The following SNX27 variants were observed in gnomAD, a reference collection of about 807,000 sequenced individuals.
SNX27 encodes the protein sorting nexin 27.
In SNX27, 22 loss-of-function variants were observed where a neutral mutation model predicts 71.6. The ratio of observed to expected loss-of-function variants is 0.31; its 90% confidence interval spans 0.22 to 0.44. The LOEUF (loss-of-function observed/expected upper bound fraction) is 0.44, where lower values mean the gene tolerates loss of function less well. SNX27 is among the 20% of genes least tolerant of loss of function. SNX27 has a pLI of 1.00. For synonymous variants in SNX27, 269 were observed against 277.2 expected (o/e 0.97, Z 0.29); for missense variants, 531 against 698.6 (o/e 0.76, Z 2.70).
intron 2 of SNX27, among the ~76,000 whole-genome samples, chr1:151,650,132 C>G (rs943397735): frequency 6.6e-6 from 1 of 152,110 alleles, no homozygotes; most frequent in African/African-American, 2.4e-5. Flanking sequence ...AAGTGATCTG[C>G]CCACTTCAGC....
intron 1 of SNX27, among the ~76,000 whole-genome samples, chr1:151,625,573 A>G (rs775367546): frequency 3.9e-5 from 6 of 151,962 alleles, no homozygotes; most frequent in Middle Eastern, 3.4e-3. Context: ...GTGGTGGCTC[A>G]TGCCTGTAAT....
rs1558028277 is a variant in SNX27, at chr1:151,612,274, G to T, written c.73G>T (p.Gly25Trp). The change falls in exon 1 of 12, where the codon GGG (glycine) becomes TGG (tryptophan). Residue 25 changes from glycine to tryptophan, a missense_variant. Physicochemically the swap from Gly to Trp is radical, Grantham distance 184. Coordinates refer to ENST00000458013, the MANE Select transcript of SNX27 (RefSeq NM_001330723.2). This position sits in a 1 kb window ranked among gnomAD's most constrained non-coding sequence, Gnocchi z 5.2. Reference protein sequence around the residue: ...HRNGGGGGGGGSGLHCAGNGG... With the variant: ...HRNGGGGGGGWSGLHCAGNGG... ...GAACGGAGGTGGCGGCGGCGGCGGGGGGTCTGGGCTCCACTGCGCCGGGAA... is the reference window on the plus strand; with the variant it reads ...GAACGGAGGTGGCGGCGGCGGCGGGTGGTCTGGGCTCCACTGCGCCGGGAA... The T allele has an allele frequency of 2.0e-6, 3 of 1,465,264 alleles. No homozygotes were observed. The highest frequency in any genetic ancestry group is 5.8e-5 in the East Asian group (2 of 34,664). The allele number at this position is 1,465,264 out of a possible 1,614,324, so 90.8% of individuals were successfully genotyped here.
At chr1:151,693,748 T>C in intron 11 of SNX27, 2 of 1,547,964 alleles carry the variant, frequency 1.3e-6, no homozygotes, top group East Asian at 4.5e-5. Context: ...TCTCATGACT[T>C]CATGGACCCT....
intron 2 of SNX27, among the ~76,000 whole-genome samples, chr1:151,651,735 G>C (rs1401907669): frequency 1.3e-5 from 2 of 151,736 alleles, no homozygotes; most frequent in Non-Finnish European, 2.9e-5. Context: ...GCCAGGCAGA[G>C]GGGCTCCTCA....
chr1:151,680,766 A>G (rs1202794401), intron 7 of SNX27, among the ~76,000 whole-genome samples: 1 of 152,210 alleles, frequency 6.6e-6, no homozygotes, highest in Non-Finnish European at 1.5e-5. Context: ...ATAGACCAGT[A>G]TTGTTTATTT....
At chr1:151,658,159 A>G in intron 2 of SNX27, 76 bp from the exon 3 acceptor site, 1 of 1,396,052 alleles carries the variant, frequency 7.2e-7, no homozygotes, top group East Asian at 2.3e-5. Flanking sequence ...AACCAATATC[A>G]TCTAAGCCTG....
intron 1 of SNX27, among the ~76,000 whole-genome samples, chr1:151,631,929 C>T (rs868780024): frequency 6.6e-6 from 1 of 152,174 alleles, no homozygotes; most frequent in African/African-American, 2.4e-5. Context: ...CCCACTGCGG[C>T]CTCCCAAAGT....
At chr1:151,689,530 A>G (rs1671342621) in intron 8 of SNX27, among the ~76,000 whole-genome samples, 1 of 152,214 alleles carries the variant, frequency 6.6e-6, no homozygotes, top group Non-Finnish European at 1.5e-5. Context: ...TAAAAGATCT[A>G]TTATAGTAAA....
At position 151,694,666 on chromosome 1, in the gene SNX27, A is replaced by G. The variant is rs1424895182; in HGVS notation, c.*249A>G. 1.5e-5 allele frequency: 6 copies of G among 411,188 alleles called. No individual in the cohort carries two copies. The highest frequency in any genetic ancestry group is 1.2e-4 in the African/African-American group (6 of 48,790). 25.5% of individuals were successfully genotyped at this position (411,188 alleles called of 1,614,324 possible). A position where few individuals can be genotyped will look rare whatever the true frequency, so the allele number is the denominator to read the frequency against. ...TAAGGCAGGAAAAGAAATAAGCCCA[A>G]CCAACTTGCCAAAGGTATCTTTGTC... On this transcript the variant is annotated 3_prime_UTR_variant, in exon 12 of 12. Coordinates refer to ENST00000458013, the MANE Select transcript of SNX27 (RefSeq NM_001330723.2).
At chr1:151,666,036 G>C in intron 6 of SNX27, 25 bp downstream of exon 6, 1 of 1,580,136 alleles carries the variant, frequency 6.3e-7, no homozygotes, top group East Asian at 2.2e-5. Context: ...CTGATACTAA[G>C]TTTTGTTTTC....
intron 1 of SNX27, among the ~76,000 whole-genome samples, chr1:151,626,604 A>T (rs1667953481): frequency 1.3e-5 from 2 of 152,170 alleles, no homozygotes; most frequent in South Asian, 4.1e-4. Context: ...TGGGAGGCTG[A>T]GGCAGGAGAA....
intron 7 of SNX27, among the ~76,000 whole-genome samples, chr1:151,682,048 G>T (rs1256612743): frequency 6.6e-6 from 1 of 150,970 alleles, no homozygotes; most frequent in East Asian, 1.9e-4. Flanking sequence ...ATACATGTTT[G>T]CTATTTCATT....
chr1:151,618,151 C>T (rs1667513336), intron 1 of SNX27, among the ~76,000 whole-genome samples: 1 of 151,834 alleles, frequency 6.6e-6, no homozygotes, highest in South Asian at 2.1e-4. Flanking sequence ...CAGGCTTGAG[C>T]ACCTGGCTGC....
intron 2 of SNX27, among the ~76,000 whole-genome samples, chr1:151,644,521 G>A (rs1668943663): frequency 6.6e-6 from 1 of 152,050 alleles, no homozygotes; most frequent in Non-Finnish European, 1.5e-5. Context: ...TTCTTCAATT[G>A]ATGGACATCT....
chr1:151,661,872 G>A (rs973078220), intron 4 of SNX27, among the ~76,000 whole-genome samples: 2 of 152,114 alleles, frequency 1.3e-5, no homozygotes, highest in East Asian at 3.9e-4. Flanking sequence ...AAAGGGAAGC[G>A]AATCAAAAAT....
At position 151,658,303 on chromosome 1, in the gene SNX27, C is replaced by A; in HGVS notation, c.612C>A (p.His204Gln). 3 of 1,614,126 alleles carry A rather than the reference C, an allele frequency of 1.9e-6. No individual in the cohort carries two copies. Among genetic ancestry groups the A allele is most frequent in the South Asian group, 2.2e-5 (2 of 91,078 alleles). The stretch of plus-strand genomic sequence containing the variant: ...GGTACCGGGAGTTTGCTATCCTACA[C>A]CAGAACCTGAAGAGAGAGTTTGCCA... ...SKRYREFAILHQNLKREFANF... is the reference protein window; with the variant it reads ...SKRYREFAILQQNLKREFANF... Residue 204 changes from histidine (H) to glutamine (Q), a missense_variant, in exon 3 of 12, where the codon CAC becomes CAA. His to Gln is a conservative substitution (Grantham distance 24). Around this residue, in one of 5 missense-constraint regions of SNX27, gnomAD observed 184 missense variants for 289.6 expected, o/e 0.64. Coordinates refer to ENST00000458013, the MANE Select transcript of SNX27 (RefSeq NM_001330723.2).
chr1:151,663,968 T>A (rs981241626), intron 5 of SNX27, among the ~76,000 whole-genome samples: 1 of 151,922 alleles, frequency 6.6e-6, no homozygotes, highest in Non-Finnish European at 1.5e-5. Context: ...TGAAAATAAC[T>A]TTTCCTTGTC....
chr1:151,614,795 G>T, intron 1 of SNX27, among the ~76,000 whole-genome samples: 1 of 152,264 alleles, frequency 6.6e-6, no homozygotes, highest in Non-Finnish European at 1.5e-5. Context: ...AATTTATGAT[G>T]AAGTTCTACA....
At chr1:151,687,971 C>CA (rs11437223) in intron 8 of SNX27, among the ~76,000 whole-genome samples, 29,603 of 141,912 alleles carry the variant, frequency 0.21, 3,242 homozygotes, top group Middle Eastern at 0.33. Flanking sequence ...CAACGAAAAA[C>CA]AAAAAAAAAA....
Sources: gnomAD v4.1 joint callset for allele counts (sites outside exome capture counted in the v4.1 genomes callset) on GRCh38, gnomAD v4.1.1 for gene constraint, gnomAD v4.1.1 regional missense constraint, Gnocchi (gnomAD v3.1) non-coding constraint, MANE v1.5 for transcripts, NCBI Gene and HGNC (gene_info 2026-07-23, HGNC 2026-07-21) for gene names.